HID1: variants seen among roughly 807,000 people sequenced by gnomAD.
The protein encoded by HID1 is protein HID1.
Under a neutral mutation model 89.7 loss-of-function variants are expected in HID1, and 42 were observed. The ratio of observed to expected loss-of-function variants is 0.47; its 90% CI spans 0.37 to 0.61. The LOEUF is 0.61. Ranked by LOEUF, HID1 falls within the 20% of genes least tolerant of loss-of-function variation. The pLI, the probability that HID1 is intolerant of heterozygous loss-of-function variation, is 0.00. For missense variants in HID1, 854 were observed against 1,039.3 expected, an observed-to-expected ratio of 0.82 and a Z score of 2.45; for synonymous variants, 442 against 433.8, an observed-to-expected ratio of 1.02 and a Z score of -0.24.
At position 74,971,353 on chromosome 17, in the gene HID1, C is replaced by T. The variant is rs530749098; in HGVS notation, c.66+1238G>A. On this transcript the variant is annotated intron_variant, in intron 1 of 18. Coordinates refer to ENST00000425042, the MANE Select transcript of HID1 (RefSeq NM_030630.3). ...ATCCTAAAAAAGCCAAGCTCCAGAA[C>T]GACCCAGGAGCCGTAGGGAATGGAG... Among the ~76,000 whole-genome samples the T allele has an allele frequency of 3.5e-4, 54 of 152,352 alleles. No individual in the cohort carries two copies. The Middle Eastern group carries it at 0.01, about 29-fold the overall frequency.
chr17:74,953,127 T>G (rs1598615190), intron 15 of HID1, 41 bp from the exon 16 acceptor site: 1 of 1,469,798 alleles, frequency 6.8e-7, no homozygotes. Context: ...ATGGTGGCGG[T>G]GGGTGAGGGG....
intron 18 of HID1, 82 bp downstream of exon 18, chr17:74,951,823 G>C (rs939037492): frequency 2.1e-6 from 3 of 1,434,148 alleles, no homozygotes; most frequent in Non-Finnish European, 2.8e-6. Flanking sequence ...CACCATAGGT[G>C]GTGGGGCCCA....
In HID1 at chr17:74,959,891, T is replaced by A; in HGVS notation, c.998A>T (p.His333Leu). 6.2e-7 allele frequency: 1 copy of A among 1,613,724 alleles called. No homozygotes were observed. The highest frequency in any genetic ancestry group is 8.5e-7 in the Non-Finnish European group (1 of 1,180,032). The change falls in exon 8 of 19, where the codon CAT (histidine) becomes CTT (leucine). Residue 333 changes from histidine to leucine, a missense_variant. Transcript: ENST00000425042. The surrounding 1 kb of genome is among the most constrained non-coding windows in gnomAD (Gnocchi z 4.6). ...NLFVNYLSRI[H>L]REEDFQFILK... ...GGGGACTGGACTTGCCTCCTCACGA[T>A]GGATGCGGGACAGGTAGTTCACAAA...
Position 74,962,403 on chromosome 17 carries a change from G to C in HID1, c.505-63C>G, listed in dbSNP as rs1383118449. 3 of 1,124,816 alleles carry C rather than the reference G, an allele frequency of 2.7e-6. No individual in the cohort carries two copies. The highest frequency in any genetic ancestry group is 3.9e-6 in the Non-Finnish European group (3 of 766,342). The allele number at this position is 1,124,816 out of a possible 1,614,324, so 69.7% of individuals were successfully genotyped here. ...GAGAGGTGAACAGCAGCCTGGGTCA[G>C]AACCTGGCCACCTCGAGCCTCACAC... On this transcript the variant is annotated intron_variant, in intron 4 of 18. Coordinates refer to ENST00000425042, the MANE Select transcript of HID1 (RefSeq NM_030630.3). The surrounding 1 kb of genome is among the most constrained non-coding windows in gnomAD (Gnocchi z 4.3).
At chr17:74,964,003 G>C in intron 2 of HID1, 93 bp from the exon 3 acceptor site, 1 of 1,295,324 alleles carries the variant, frequency 7.7e-7, no homozygotes, top group Non-Finnish European at 1.1e-6. Flanking sequence ...CTGCAGAGGA[G>C]GGTCAGGGGG....
rs1442077357 is a variant in HID1, at chr17:74,960,084, C to T, written c.893G>A (p.Ser298Asn). The change falls in exon 7 of 19, where the codon AGC becomes AAC. Residue 298 changes from serine (S) to asparagine (N), a missense_variant. Physicochemically the swap from Ser to Asn is conservative, Grantham distance 46 (BLOSUM62 1). Transcript: ENST00000425042. ...LIVTLDHDSASSASPTVDGTT... is the reference protein window; with the variant it reads ...LIVTLDHDSANSASPTVDGTT... ...GCCGTCCACAGTGGGGCTGGCACTG[C>T]TGGCACTGTCGTGGTCCAAAGTGAC... is the stretch of plus-strand genomic sequence containing the variant. 6.2e-7 allele frequency: 1 copy of T among 1,613,880 alleles called. No individual in the cohort carries two copies. Among genetic ancestry groups the T allele is most frequent in the Admixed American group, 1.7e-5 (1 of 60,032 alleles).
At position 74,958,613 on chromosome 17, in the gene HID1, C is replaced by T. The variant is rs556823542; in HGVS notation, c.1240+60G>A. 3 of 1,587,420 alleles carry T rather than the reference C, an allele frequency of 1.9e-6. No homozygotes were observed. Among genetic ancestry groups the T allele is most frequent in the African/African-American group, 2.7e-5 (2 of 74,492 alleles). ...AGCTCCTGGGAGTCAGGGCAGATAG[C>T]CAGCCCTCCACCTCGCCGCCAGGAA... On this transcript the variant is annotated intron_variant, in intron 10 of 18. Coordinates refer to ENST00000425042, the MANE Select transcript of HID1 (RefSeq NM_030630.3). This position sits in a 1 kb window ranked among gnomAD's most constrained non-coding sequence, Gnocchi z 5.2.
chr17:74,954,998 T>A (rs1459471659), intron 13 of HID1: 1 of 159,790 alleles, frequency 6.3e-6, no homozygotes, highest in Non-Finnish European at 1.4e-5. Context: ...CCAGGCACTG[T>A]GCTAAGTGCC....
rs148634863 is a variant in HID1 at position 74,954,228 on chromosome 17, C to T, written c.1774G>A (p.Gly592Ser). 1.8e-5 allele frequency: 28 copies of T among 1,595,072 alleles called. No homozygotes were observed. Among genetic ancestry groups the T allele is most frequent in the Middle Eastern group, 1.7e-4 (1 of 6,054 alleles). The change falls in exon 14 of 19, where the codon GGC becomes AGC. Residue 592 changes from glycine to serine, a missense_variant. Gly to Ser is a moderately conservative substitution (Grantham distance 56, BLOSUM62 0). Transcript: ENST00000425042. ...RRTPEPLSRT[G>S]SQEGTSMEGS... ...TCCATGGAGGTGCCCTCCTGGGAGCCGGTGCGAGACAAGGGCTCAGGTGTC... is the reference window on the plus strand; with the variant it reads ...TCCATGGAGGTGCCCTCCTGGGAGCTGGTGCGAGACAAGGGCTCAGGTGTC...
chr17:74,963,635 T>A, intron 3 of HID1, 105 bp downstream of exon 3: 1 of 1,201,462 alleles, frequency 8.3e-7, no homozygotes, highest in Non-Finnish European at 1.1e-6. Context: ...CCCCTGTACT[T>A]CCCAAATCCC....
At position 74,951,464 on chromosome 17, in the gene HID1, C is replaced by A. The variant is rs768446335; in HGVS notation, c.*106G>T. On this transcript the variant is annotated 3_prime_UTR_variant, in exon 19 of 19. Transcript: ENST00000425042. ...GACACTCAGGGCCACTCTGCCTGTT[C>A]CAGGCCCTGATCGTGGTAATTTAAA... The A allele has an allele frequency of 8.6e-5, 97 of 1,130,516 alleles. No homozygotes were observed. The highest frequency in any genetic ancestry group is 1.2e-4 in the Non-Finnish European group (93 of 767,062). The allele number at this position is 1,130,516 out of a possible 1,614,324, so 70.0% of individuals were successfully genotyped here.
intron 6 of HID1, among the ~76,000 whole-genome samples, chr17:74,961,275 T>A (rs1240892213): frequency 7.0e-6 from 1 of 143,674 alleles, no homozygotes; most frequent in Non-Finnish European, 1.5e-5. Context: ...ATTTATTTAT[T>A]TTTTTTTTTG....
chr17:74,966,077 G>A (rs1337941037), intron 1 of HID1, among the ~76,000 whole-genome samples: 1 of 151,884 alleles, frequency 6.6e-6, no homozygotes, highest in Non-Finnish European at 1.5e-5. Context: ...ACAAGGTCAG[G>A]AGTTCAAGAC....
Position 74,958,918 on chromosome 17 carries a change from A to T in HID1, c.1142T>A (p.Phe381Tyr). ...LLVLFWKLCD[F>Y]NKKFLFFVLK... ...CCCTCGAGGCTGGCCCACCTTGTTG[A>T]AGTCGCAGAGCTTCCAGAAGAGAAC... is the stretch of plus-strand genomic sequence containing the variant. Residue 381 changes from phenylalanine (F) to tyrosine (Y), a missense_variant, in exon 9 of 19, where the codon TTC (phenylalanine) becomes TAC (tyrosine). Coordinates refer to ENST00000425042, the MANE Select transcript of HID1 (RefSeq NM_030630.3). This position sits in a 1 kb window ranked among gnomAD's most constrained non-coding sequence, Gnocchi z 5.2. 1 of 1,590,716 alleles carries T rather than the reference A, an allele frequency of 6.3e-7. No individual in the cohort carries two copies. Among genetic ancestry groups the T allele is most frequent in the Non-Finnish European group, 8.5e-7 (1 of 1,171,142 alleles).
chr17:74,959,082 C>T lies in HID1; in HGVS notation c.1009-31G>A, dbSNP rs1405611404. ...GGCGAGGGCAGAGCAGGGGGCCTGTCCAGCCCAATCCCTGCAGCTCCAGTT... is the reference window on the plus strand; with the variant it reads ...GGCGAGGGCAGAGCAGGGGGCCTGTTCAGCCCAATCCCTGCAGCTCCAGTT... On this transcript the variant is annotated intron_variant, in intron 8 of 18. Transcript: ENST00000425042. This position sits in a 1 kb window ranked among gnomAD's most constrained non-coding sequence, Gnocchi z 4.6. 5 of 1,509,316 alleles carry T rather than the reference C, an allele frequency of 3.3e-6. No individual in the cohort carries two copies. The Admixed American group carries it at 9.6e-5, about 29-fold the overall frequency. 93.5% of individuals were successfully genotyped at this position (1,509,316 alleles called of 1,614,324 possible). A position where few individuals can be genotyped will look rare whatever the true frequency, so the allele number is the denominator to read the frequency against.
intron 13 of HID1, chr17:74,954,871 G>C (rs1336979293): frequency 5.8e-6 from 1 of 173,646 alleles, no homozygotes; most frequent in Admixed American, 5.4e-5. Flanking sequence ...TCCCACCCCA[G>C]GGCCTTTGCA....
chr17:74,952,174 C>A, intron 17 of HID1, 95 bp downstream of exon 17: 1 of 1,522,938 alleles, frequency 6.6e-7, no homozygotes. Flanking sequence ...TAAGCCTAGG[C>A]TGGCCCCGCC....
intron 1 of HID1, chr17:74,967,695 T>A (rs1051115812): frequency 6.9e-6 from 1 of 144,038 alleles, no homozygotes. Context: ...ACAAAAAAAA[T>A]CAAAAAAATT....
Position 74,958,345 on chromosome 17 carries a change from G to A in HID1, c.1374C>T (p.His458=), listed in dbSNP as rs756520482. The A allele has an allele frequency of 1.5e-5, 25 of 1,613,110 alleles. No homozygotes were observed. The highest frequency in any genetic ancestry group is 1.6e-4 in the Middle Eastern group (1 of 6,084). Reference sequence around the variant, plus strand: ...CCCTCACCACAATGAGCAGGTCGGCGTGGGTCCCTGTGAAGACTGGGATGT... The same window carrying A: ...CCCTCACCACAATGAGCAGGTCGGCATGGGTCCCTGTGAAGACTGGGATGT... ...PMDIPVFTGT[H]ADLLIVVFHK... The change falls in exon 11 of 19, where the codon CAC becomes CAT. Residue 458 remains histidine, a synonymous_variant. Transcript: ENST00000425042. This position sits in a 1 kb window ranked among gnomAD's most constrained non-coding sequence, Gnocchi z 5.2.
Sources: allele counts gnomAD v4.1 joint callset (sites outside exome capture counted in the v4.1 genomes callset), GRCh38; gene constraint gnomAD v4.1.1; non-coding constraint Gnocchi (gnomAD v3.1); transcripts MANE v1.5; gene names NCBI Gene and HGNC (gene_info 2026-07-23, HGNC 2026-07-21).